The following CDT1 variants were observed in gnomAD, a reference collection of about 807,000 sequenced individuals.
CDT1 encodes the protein DNA replication factor Cdt1.
CDT1 carries 66 observed loss-of-function variants against 49.3 expected under a neutral mutation model. The observed-to-expected ratio is 1.34, with a 90% CI of 1.10 to 1.64. The LOEUF is 1.64. CDT1 is among the 40% of genes most tolerant of loss of function. CDT1 has a pLI of 0.00. For synonymous variants in CDT1, 424 were observed against 347.4 expected, an observed-to-expected ratio of 1.22 and a Z score of -2.45; for missense variants, 958 against 807.7, an observed-to-expected ratio of 1.19 and a Z score of -2.26.
chr16:88,809,074 A>T lies in CDT1; in HGVS notation c.*796A>T, dbSNP rs1047659656. ...CGCCCCATGTCATCACAGGGCCTTC[A>T]TGACAGGGCCAGAGCCAGCCAGCTT... On this transcript the variant is annotated 3_prime_UTR_variant, in exon 10 of 10. Transcript: ENST00000301019. The T allele has an allele frequency of 1.8e-5, 4 of 225,910 alleles. No individual in the cohort carries two copies. Among genetic ancestry groups the T allele is most frequent in the African/African-American group, 9.2e-5 (4 of 43,380 alleles). The allele number at this position is 225,910 out of a possible 1,614,324, so 14.0% of individuals were successfully genotyped here.
In CDT1 at chr16:88,805,428, C is replaced by T; in HGVS notation, c.489-12C>T. The T allele has an allele frequency of 6.2e-7, 1 of 1,612,328 alleles. No homozygotes were observed. The highest frequency in any genetic ancestry group is 8.5e-7 in the Non-Finnish European group (1 of 1,179,812). ...CCTACTGCTTCTCATGAGGCTCCTCCCTCCCTGACAGTGGCGAGAAGGCGC... is the reference window on the plus strand; with the variant it reads ...CCTACTGCTTCTCATGAGGCTCCTCTCTCCCTGACAGTGGCGAGAAGGCGC... On this transcript the variant is annotated splice_polypyrimidine_tract_variant and intron_variant, in intron 3 of 9. Coordinates refer to ENST00000301019, the MANE Select transcript of CDT1 (RefSeq NM_030928.4).
chr16:88,806,952 G>T (rs1908879234), intron 7 of CDT1, 99 bp from the exon 8 acceptor site: 1 of 1,500,718 alleles, frequency 6.7e-7, no homozygotes, highest in African/African-American at 1.4e-5. Flanking sequence ...AGTGTGCTGG[G>T]TGAACTTGTG....
Position 88,805,835 on chromosome 16 carries a change from T to C in CDT1, c.798T>C (p.Asp266=), listed in dbSNP as rs1252982289. 2 of 1,612,928 alleles carry C rather than the reference T, an allele frequency of 1.2e-6. No homozygotes were observed. Among genetic ancestry groups the C allele is most frequent in the African/African-American group, 1.3e-5 (1 of 74,924 alleles). The part of the protein sequence containing the change: ...PTFKDGTRRS[D]YQLTIEPLLE... The stretch of plus-strand genomic sequence containing the variant: ...TCAAGGATGGCACCAGGAGGTCAGA[T>C]TACCAGCTCACCATCGAGCCACTGC... The change falls in exon 5 of 10, where the codon GAT becomes GAC. Residue 266 remains aspartate (D), a synonymous_variant. Coordinates refer to ENST00000301019, the MANE Select transcript of CDT1 (RefSeq NM_030928.4).
intron 2 of CDT1, 36 bp downstream of exon 2, chr16:88,804,703 T>C (rs770148218): frequency 2.1e-5 from 34 of 1,612,058 alleles, no homozygotes; most frequent in Admixed American, 3.3e-5. Context: ...GCGGGAGGGC[T>C]GAGTGGTGCC....
At position 88,808,436 on chromosome 16, in the gene CDT1, G is replaced by A. The variant is rs150410264; in HGVS notation, c.*158G>A. ...GGGCTGCAGGCTGCACAGCCCGAGGGTCTCTGGCTGCGGGCGGTGGGCCCC... is the reference window on the plus strand; with the variant it reads ...GGGCTGCAGGCTGCACAGCCCGAGGATCTCTGGCTGCGGGCGGTGGGCCCC... On this transcript the variant is annotated 3_prime_UTR_variant, in exon 10 of 10. Transcript: ENST00000301019. 1,279 of 831,556 alleles carry A rather than the reference G, an allele frequency of 1.5e-3. 11 individuals carry two copies. Among genetic ancestry groups the A allele is most frequent in the African/African-American group, 0.01 (600 of 57,788 alleles). The allele number at this position is 831,556 out of a possible 1,614,324, so 51.5% of individuals were successfully genotyped here. A position where few individuals can be genotyped will look rare whatever the true frequency, so the allele number is the denominator to read the frequency against.
At chr16:88,807,558 G>A in intron 9 of CDT1, 76 bp downstream of exon 9, 2 of 1,365,288 alleles carry the variant, frequency 1.5e-6, no homozygotes, top group Non-Finnish European at 2.1e-6. Context: ...AGCTTTCTGA[G>A]CAGAGGTGTC....
chr16:88,808,373 T>C lies in CDT1; in HGVS notation c.*95T>C. The C allele has an allele frequency of 1.4e-6, 2 of 1,399,326 alleles. No individual in the cohort carries two copies. The highest frequency in any genetic ancestry group is 1.9e-6 in the Non-Finnish European group (2 of 1,038,602). 86.7% of individuals were successfully genotyped at this position (1,399,326 alleles called of 1,614,324 possible). A position where few individuals can be genotyped will look rare whatever the true frequency, so the allele number is the denominator to read the frequency against. ...TTATGAACATGATACACTTTGGCCTTCCTTTCCCCAGCGCCCCTGAGGGCC... is the reference window on the plus strand; with the variant it reads ...TTATGAACATGATACACTTTGGCCTCCCTTTCCCCAGCGCCCCTGAGGGCC... On this transcript the variant is annotated 3_prime_UTR_variant, in exon 10 of 10. Transcript: ENST00000301019.
At chr16:88,806,406 G>GT in intron 6 of CDT1, 80 bp from the exon 7 acceptor site, 2 of 1,517,678 alleles carry the variant, frequency 1.3e-6, no homozygotes, top group Non-Finnish European at 1.8e-6. Flanking sequence ...CGGCTGGGAC[G>GT]TAAGCACAGG....
At chr16:88,804,714 GGCCT>G (rs747751533) in intron 2 of CDT1, 44 bp from the exon 3 acceptor site, 22 of 1,612,018 alleles carry the variant, frequency 1.4e-5, no homozygotes, top group East Asian at 6.7e-5. Flanking sequence ...GAGTGGTGCC[GGCCT>G]GCCTGCCTGC....
In CDT1 at chr16:88,805,819, G is replaced by A. The variant is rs755194747; in HGVS notation, c.782G>A (p.Gly261Asp). ...QERSVPTFKD[G>D]TRRSDYQLTI... ...CGCAGTGTCCCCACCTTCAAGGATG[G>A]CACCAGGAGGTCAGATTACCAGCTC... The change falls in exon 5 of 10, where the codon GGC (glycine) becomes GAC (aspartate). Residue 261 changes from glycine to aspartate, a missense_variant. Gly to Asp is a moderately conservative substitution (Grantham distance 94, BLOSUM62 -1). Transcript: ENST00000301019. The A allele has an allele frequency of 3.1e-5, 50 of 1,613,016 alleles. No homozygotes were observed. Among genetic ancestry groups the A allele is most frequent in the Non-Finnish European group, 4.2e-5 (49 of 1,179,978 alleles).
chr16:88,807,589 C>T lies in CDT1; in HGVS notation c.1477+107C>T. On this transcript the variant is annotated intron_variant, in intron 9 of 9. Coordinates refer to ENST00000301019, the MANE Select transcript of CDT1 (RefSeq NM_030928.4). Reference sequence around the variant, plus strand: ...GTGTCTGTCACTGATCTGTTCTGTTCAGATGTGCAGTGGGCGCTGGCCTCT... The same window carrying T: ...GTGTCTGTCACTGATCTGTTCTGTTTAGATGTGCAGTGGGCGCTGGCCTCT... 4 of 1,131,400 alleles carry T rather than the reference C, an allele frequency of 3.5e-6. No homozygotes were observed. In the East Asian group the frequency reaches 1.0e-4, roughly 29 times the overall value. 70.1% of individuals were successfully genotyped at this position (1,131,400 alleles called of 1,614,324 possible).
At chr16:88,804,445 C>A in intron 1 of CDT1, 100 bp from the exon 2 acceptor site, 2 of 1,464,914 alleles carry the variant, frequency 1.4e-6, no homozygotes, top group South Asian at 2.5e-5. Flanking sequence ...CCATGCCCGT[C>A]CCAGTTAACT....
At chr16:88,805,255 C>T (rs1273354893) in intron 3 of CDT1, among the ~76,000 whole-genome samples, 185 bp from the exon 4 acceptor site, 3 of 152,218 alleles carry the variant, frequency 2.0e-5, no homozygotes, top group African/African-American at 2.4e-5. Context: ...GGTGTGGAGC[C>T]GGGCTTTCCC....
chr16:88,807,588 TCAGATGTG>T (rs922526868), intron 9 of CDT1, 106 bp downstream of exon 9: 14 of 1,154,790 alleles, frequency 1.2e-5, no homozygotes, highest in Middle Eastern at 2.8e-4. Context: ...TCTGTTCTGT[TCAGATGTG>T]CAGTGGGCGC....
rs1488365721 is a variant in CDT1, at chr16:88,804,029, C to A, written c.198C>A (p.Ala66=). The part of the protein sequence containing the change: ...APGRDQARPP[A]RRRLRLSVDE... Reference sequence around the variant, plus strand: ...GACGCGACCAGGCCAGGCCACCGGCCCGCAGGAGACTGCGGCTGTCGGTGG... The same window carrying A: ...GACGCGACCAGGCCAGGCCACCGGCACGCAGGAGACTGCGGCTGTCGGTGG... Residue 66 remains alanine, a synonymous_variant, in exon 1 of 10, where the codon GCC becomes GCA. Coordinates refer to ENST00000301019, the MANE Select transcript of CDT1 (RefSeq NM_030928.4). The A allele has an allele frequency of 2.1e-6, 3 of 1,458,790 alleles. No homozygotes were observed. The highest frequency in any genetic ancestry group is 2.7e-6 in the Non-Finnish European group (3 of 1,112,530). 90.4% of individuals were successfully genotyped at this position (1,458,790 alleles called of 1,614,324 possible).
Position 88,806,677 on chromosome 16 carries a change from G to C in CDT1, c.1122+3G>C, listed in dbSNP as rs773056108. ...CCCGCAACCTGATTTCACCCAGGGTGAGACTGCGAGGCTTGGGCAGCCCAT... is the reference window on the plus strand; with the variant it reads ...CCCGCAACCTGATTTCACCCAGGGTCAGACTGCGAGGCTTGGGCAGCCCAT... On this transcript the variant is annotated splice_donor_region_variant and intron_variant, in intron 7 of 9. Transcript: ENST00000301019. 8.8e-6 allele frequency: 14 copies of C among 1,599,852 alleles called. No individual in the cohort carries two copies. The highest frequency in any genetic ancestry group is 1.2e-5 in the Non-Finnish European group (14 of 1,174,342).
chr16:88,808,140 C>A lies in CDT1; in HGVS notation c.1503C>A (p.Leu501=). ...SPGEMEKHLL[L]LSELLPDWLS... ...GGGAAATGGAGAAGCACCTGCTGCT[C>A]CTCTCCGAGCTGCTGCCGGACTGGC... is the stretch of plus-strand genomic sequence containing the variant. The change falls in exon 10 of 10, where the codon CTC becomes CTA. Residue 501 remains leucine, a synonymous_variant. Coordinates refer to ENST00000301019, the MANE Select transcript of CDT1 (RefSeq NM_030928.4). 6.2e-7 allele frequency: 1 copy of A among 1,612,752 alleles called. No homozygotes were observed. The highest frequency in any genetic ancestry group is 8.5e-7 in the Non-Finnish European group (1 of 1,179,936).
chr16:88,807,544 C>T (rs1567502800), intron 9 of CDT1, 62 bp downstream of exon 9: 1 of 1,468,358 alleles, frequency 6.8e-7, no homozygotes, highest in African/African-American at 1.4e-5. Context: ...GCAGCTGCCT[C>T]CCCAGCTTTC....
In CDT1 at chr16:88,804,063, A is replaced by AT; in HGVS notation, c.228+4_228+5insT. 1 of 1,437,238 alleles carries AT rather than the reference A, an allele frequency of 7.0e-7. No homozygotes were observed. Among genetic ancestry groups the AT allele is most frequent in the South Asian group, 1.4e-5 (1 of 73,396 alleles). 89.0% of individuals were successfully genotyped at this position (1,437,238 alleles called of 1,614,324 possible). A position where few individuals can be genotyped will look rare whatever the true frequency, so the allele number is the denominator to read the frequency against. On this transcript the variant is annotated splice_donor_region_variant and intron_variant, in intron 1 of 9. Transcript: ENST00000301019. ...ACTGCGGCTGTCGGTGGACGAGGTG[A>AT]GGGGCGTGGGGAGACTGAGGCCGGG...
Sources: gnomAD v4.1 joint callset for allele counts (sites outside exome capture counted in the v4.1 genomes callset) on GRCh38, gnomAD v4.1.1 for gene constraint, MANE v1.5 for transcripts, NCBI Gene and HGNC (gene_info 2026-07-23, HGNC 2026-07-21) for gene names.